The following ATRNL1 variants were observed in gnomAD, a reference collection of about 807,000 sequenced individuals.
ATRNL1 encodes the protein attractin-like protein 1.
Under a neutral mutation model 182.7 loss-of-function variants are expected in ATRNL1, and 95 were observed. That is an observed-to-expected ratio of 0.52 (90% CI 0.44 to 0.62). The LOEUF (loss-of-function observed/expected upper bound fraction) is 0.62. Among genes scored for constraint, ATRNL1 ranks in the 20% least tolerant of loss-of-function variants. ATRNL1 has a pLI of 0.00. For missense variants in ATRNL1, 1,471 were observed against 1,679.5 expected (o/e 0.88, Z 2.17); for synonymous variants, 576 against 568.3 (o/e 1.01, Z -0.19).
At chr10:115,501,040 T>C (rs1435681205) in intron 24 of ATRNL1, among the ~76,000 whole-genome samples, 1 of 148,792 alleles carries the variant, frequency 6.7e-6, no homozygotes, top group African/African-American at 2.5e-5. Context: ...GCAATTCTCC[T>C]TCCTGCCTTA....
intron 5 of ATRNL1, among the ~76,000 whole-genome samples, chr10:115,158,004 G>A (rs529564886): frequency 6.6e-6 from 1 of 151,832 alleles, no homozygotes; most frequent in South Asian, 2.1e-4. Context: ...TTGGGTGGTG[G>A]CCTGTTTTTA....
intron 19 of ATRNL1, among the ~76,000 whole-genome samples, chr10:115,334,731 T>A (rs1473402303): frequency 6.6e-6 from 1 of 152,346 alleles, no homozygotes; most frequent in South Asian, 2.1e-4. Context: ...ATAGTTTTTT[T>A]AATAAGTAAT....
In ATRNL1 at chr10:115,582,053, A is replaced by G. The variant is rs868993043; in HGVS notation, c.3795+32517A>G. ...AATGATGATTTCCAATTTCATCCAT[A>G]TCCCTACAAAGGACATGAACTCATC... On this transcript the variant is annotated intron_variant, in intron 26 of 28. Transcript: ENST00000355044. Among the ~76,000 whole-genome samples the G allele has an allele frequency of 9.4e-3, 1,419 of 151,682 alleles. 16 individuals carry two copies. The highest frequency in any genetic ancestry group is 0.033 in the African/African-American group (1,342 of 41,292).
At chr10:115,245,797 A>G (rs1355909604) in intron 10 of ATRNL1, among the ~76,000 whole-genome samples, 2 of 152,088 alleles carry the variant, frequency 1.3e-5, no homozygotes, top group Non-Finnish European at 2.9e-5. Context: ...GTATTTCTCT[A>G]TGCACTTCGT....
At chr10:115,522,146 TCTTAAG>T (rs1462331385) in intron 25 of ATRNL1, among the ~76,000 whole-genome samples, 2 of 152,216 alleles carry the variant, frequency 1.3e-5, no homozygotes, top group Non-Finnish European at 2.9e-5. Flanking sequence ...TTTTATGCCA[TCTTAAG>T]TAGGTCACTA....
rs1363905252 is a variant in ATRNL1 at position 115,266,986 on chromosome 10, A to G, written c.1962A>G (p.Ala654=). ...GGAATACTAATAATATTCTTAGAGC[A>G]AAGTGCCCTCCTAAAACAGGTAAAT... is the stretch of plus-strand genomic sequence containing the variant. ...ESGNTNNILR[A]KCPPKTAASD... is the part of the protein sequence containing the mutation. The change falls in exon 12 of 29, where the codon GCA becomes GCG. Residue 654 remains alanine, a synonymous_variant. Coordinates refer to ENST00000355044, the MANE Select transcript of ATRNL1 (RefSeq NM_207303.4). 1 of 1,609,182 alleles carries G rather than the reference A, an allele frequency of 6.2e-7. No individual in the cohort carries two copies.
intron 24 of ATRNL1, among the ~76,000 whole-genome samples, chr10:115,487,119 C>A (rs782130435): frequency 1.3e-5 from 2 of 152,084 alleles, no homozygotes; most frequent in South Asian, 2.1e-4. Flanking sequence ...GGTACCAGTA[C>A]CATGCTGTTT....
intron 27 of ATRNL1, among the ~76,000 whole-genome samples, chr10:115,751,416 G>C (rs1948445092): frequency 6.6e-6 from 1 of 151,974 alleles, no homozygotes; most frequent in South Asian, 2.1e-4. Flanking sequence ...TATAGCACTA[G>C]GCAACAAATA....
At chr10:115,472,384 G>T (rs1014553894) in intron 24 of ATRNL1, among the ~76,000 whole-genome samples, 3 of 150,882 alleles carry the variant, frequency 2.0e-5, no homozygotes, top group Non-Finnish European at 4.5e-5. Flanking sequence ...TGTGAAAAAT[G>T]TAATTGGAAT....
chr10:115,609,872 C>T (rs139161847), intron 26 of ATRNL1, among the ~76,000 whole-genome samples: 99 of 152,206 alleles, frequency 6.5e-4, no homozygotes, highest in Middle Eastern at 6.8e-3. Context: ...TTTGTTCTTA[C>T]GGTATCCGTG....
At chr10:115,476,813 C>T (rs1280611284) in intron 24 of ATRNL1, among the ~76,000 whole-genome samples, 1 of 151,296 alleles carries the variant, frequency 6.6e-6, no homozygotes, top group Non-Finnish European at 1.5e-5. Flanking sequence ...AATATAACCT[C>T]CCCTTATACC....
In ATRNL1 at chr10:115,879,312, A is replaced by AAAGAAAG. The variant is rs1565456565; in HGVS notation, c.4018+31323_4018+31324insGAAAGAA. On this transcript the variant is annotated intron_variant, in intron 28 of 28. Transcript: ENST00000355044. ...ACGTGCAACTCTCTATCTCAAAAAA[A>AAAGAAAG]AAAGAAAGAAAGAAAGAAATTTTAT... is the stretch of plus-strand genomic sequence containing the variant. Among the ~76,000 whole-genome samples the AAAGAAAG allele has an allele frequency of 1.4e-3, 205 of 150,880 alleles. 3 individuals carry two copies. Among genetic ancestry groups the AAAGAAAG allele is most frequent in the African/African-American group, 4.9e-3 (200 of 41,168 alleles).
chr10:115,941,362 G>T (rs1415527835), intron 28 of ATRNL1, among the ~76,000 whole-genome samples: 1 of 152,218 alleles, frequency 6.6e-6, no homozygotes, highest in African/African-American at 2.4e-5. Context: ...CATTGCTTCA[G>T]TTAGGTTCTG....
intron 24 of ATRNL1, among the ~76,000 whole-genome samples, chr10:115,514,122 C>T (rs1850522727): frequency 6.6e-6 from 1 of 151,908 alleles, no homozygotes; most frequent in Non-Finnish European, 1.5e-5. Context: ...TTGAGGTCTT[C>T]AATCAGTACT....
chr10:115,536,500 C>T (rs1214420545), intron 25 of ATRNL1, among the ~76,000 whole-genome samples: 1 of 152,212 alleles, frequency 6.6e-6, no homozygotes, highest in South Asian at 2.1e-4. Flanking sequence ...CCTGATTTTC[C>T]AGGTGCCGTC....
At chr10:115,348,525 A>C (rs1287804618) in intron 19 of ATRNL1, among the ~76,000 whole-genome samples, 1 of 152,150 alleles carries the variant, frequency 6.6e-6, no homozygotes. Context: ...TATTATTTCC[A>C]ATCTGACTTA....
rs573643693 is a variant in ATRNL1, at chr10:115,415,590, G to A, written c.3270-10660G>A. 5.3e-5 allele frequency among the ~76,000 whole-genome samples: 8 copies of A among 151,514 alleles called. No homozygotes were observed. The East Asian group carries it at 1.6e-3, about 29-fold the overall frequency. On this transcript the variant is annotated intron_variant, in intron 20 of 28. Coordinates refer to ENST00000355044, the MANE Select transcript of ATRNL1 (RefSeq NM_207303.4). ...ACATTTGGAATTTTATTCATGGTTA[G>A]GAAGCCTTTTATTTTGTAATTAATT...
At chr10:115,693,923 G>T (rs541844200) in intron 26 of ATRNL1, among the ~76,000 whole-genome samples, 42 of 152,084 alleles carry the variant, frequency 2.8e-4, no homozygotes, top group African/African-American at 9.6e-4. Flanking sequence ...TGACAGGAGG[G>T]TGCTAGGCAT....
At chr10:115,179,056 T>C (rs1283188054) in intron 8 of ATRNL1, among the ~76,000 whole-genome samples, 1 of 152,144 alleles carries the variant, frequency 6.6e-6, no homozygotes, top group African/African-American at 2.4e-5. Flanking sequence ...GATGAATAAA[T>C]ACGATTTTCA....
Sources: allele counts gnomAD v4.1 joint callset (sites outside exome capture counted in the v4.1 genomes callset), GRCh38; gene constraint gnomAD v4.1.1; transcripts MANE v1.5; gene names NCBI Gene and HGNC (gene_info 2026-07-23, HGNC 2026-07-21).